EIF4ENIF1: variants seen among roughly 807,000 people sequenced by gnomAD.
EIF4ENIF1 encodes eukaryotic translation initiation factor 4E nuclear import factor 1.
Under a neutral mutation model 110.5 loss-of-function variants are expected in EIF4ENIF1, and 23 were observed. That is an observed-to-expected ratio of 0.21 (90% confidence interval 0.15 to 0.29). The LOEUF (loss-of-function observed/expected upper bound fraction) is 0.29, where lower values mean the gene tolerates loss of function less well. Ranked by LOEUF, EIF4ENIF1 falls within the 10% of genes least tolerant of loss-of-function variation. The probability of loss-of-function intolerance (pLI) is 1.00; values close to 1 mark genes in which losing one functional copy is unlikely to be tolerated. For missense variants in EIF4ENIF1, 1,031 were observed against 1,221.1 expected, an observed-to-expected ratio of 0.84 and a Z score of 2.32; for synonymous variants, 440 against 437.0, an observed-to-expected ratio of 1.01 and a Z score of -0.09.
rs2050247343 is a variant in EIF4ENIF1, at chr22:31,440,139, G to A, written c.2717-18C>T. The A allele has an allele frequency of 1.9e-6, 3 of 1,614,036 alleles. No individual in the cohort carries two copies. Among genetic ancestry groups the A allele is most frequent in the Non-Finnish European group, 2.5e-6 (3 of 1,179,972 alleles). On this transcript the variant is annotated intron_variant, in intron 18 of 18. Coordinates refer to ENST00000330125, the MANE Select transcript of EIF4ENIF1 (RefSeq NM_019843.4). ...ATGCAGAACTGTGGAGATAAGAAGG[G>A]TTATCATTCACAGCATGAGAAGGAA... is the stretch of plus-strand genomic sequence containing the variant.
intron 2 of EIF4ENIF1, among the ~76,000 whole-genome samples, chr22:31,476,916 C>A (rs558780691): frequency 6.8e-6 from 1 of 147,646 alleles, no homozygotes; most frequent in Admixed American, 6.9e-5. Context: ...ATGAGAATTG[C>A]GAACCTGGGA....
chr22:31,490,436 A>G (rs1398850456), upstream of EIF4ENIF1, among the ~76,000 whole-genome samples: 6 of 152,214 alleles, frequency 3.9e-5, no homozygotes, highest in Non-Finnish European at 5.9e-5. Context: ...TCGTGTTTCT[A>G]AAATGGCCTC....
At chr22:31,450,844 TACACACACACACACACACACAC>T (rs372740127) in intron 10 of EIF4ENIF1, 31 of 121,108 alleles carry the variant, frequency 2.6e-4, no homozygotes, top group East Asian at 7.2e-4. Context: ...ATATATATAC[TACACACACACACACACACACAC>T]ACACACACAC....
At chr22:31,483,656 A>T (rs538983750) in intron 2 of EIF4ENIF1, among the ~76,000 whole-genome samples, 128 of 152,212 alleles carry the variant, frequency 8.4e-4, no homozygotes, top group African/African-American at 2.9e-3. Flanking sequence ...ATTTCTAACA[A>T]GTTACCAGAT....
rs1283191842 is a variant in EIF4ENIF1, at chr22:31,443,068, T to C, written c.2100A>G (p.Ser700=). The change falls in exon 16 of 19, where the codon TCA becomes TCG. Residue 700 remains serine (S), a synonymous_variant. Coordinates refer to ENST00000330125, the MANE Select transcript of EIF4ENIF1 (RefSeq NM_019843.4). ...SMLSPSFTPT[S]VIRKMYESKE... ...TGCTCTCGTACATCTTACGAATCACTGAGGTAGGGGTAAAGGAAGGAGAAA... is the reference window on the plus strand; with the variant it reads ...TGCTCTCGTACATCTTACGAATCACCGAGGTAGGGGTAAAGGAAGGAGAAA... 1 of 1,614,118 alleles carries C rather than the reference T, an allele frequency of 6.2e-7. No individual in the cohort carries two copies. The highest frequency in any genetic ancestry group is 1.1e-5 in the South Asian group (1 of 91,070).
At chr22:31,464,928 T>G (rs1398193196) in intron 4 of EIF4ENIF1, among the ~76,000 whole-genome samples, 5 of 151,312 alleles carry the variant, frequency 3.3e-5, no homozygotes, top group Non-Finnish European at 7.4e-5. Flanking sequence ...AAACTTCTAC[T>G]CTTTGAAAGA....
intron 6 of EIF4ENIF1, among the ~76,000 whole-genome samples, chr22:31,460,364 T>C (rs1017371534): frequency 1.3e-5 from 2 of 152,228 alleles, no homozygotes; most frequent in African/African-American, 2.4e-5. Flanking sequence ...CCAGGCGCAG[T>C]GGTTCACGCC....
intron 2 of EIF4ENIF1, among the ~76,000 whole-genome samples, chr22:31,477,456 A>G (rs1299260265): frequency 1.3e-5 from 2 of 151,448 alleles, no homozygotes; most frequent in East Asian, 1.9e-4. Flanking sequence ...TTCCTCTTAG[A>G]GTTATTGCTC....
chr22:31,447,852 C>A lies in EIF4ENIF1; in HGVS notation c.1849-287G>T, dbSNP rs186302904. Among the ~76,000 whole-genome samples, 12 of 152,298 alleles carry A rather than the reference C, an allele frequency of 7.9e-5. No homozygotes were observed. In the East Asian group the frequency reaches 1.9e-3, roughly 24 times the overall value. On this transcript the variant is annotated intron_variant, in intron 13 of 18. Coordinates refer to ENST00000330125, the MANE Select transcript of EIF4ENIF1 (RefSeq NM_019843.4). ...TGCCACCTAGGCTGGAGTACAGTGG[C>A]ACCATCATAGCTCACGGCAGTCTCA... is the stretch of plus-strand genomic sequence containing the variant.
At chr22:31,464,272 A>G in intron 4 of EIF4ENIF1, 1 of 285,592 alleles carries the variant, frequency 3.5e-6, no homozygotes, top group East Asian at 7.4e-5. Context: ...TGTTTTGTCA[A>G]CTAATAAACT....
rs2051397421 is a variant in EIF4ENIF1 at position 31,471,986 on chromosome 22, TG to T, written c.97-70del. The T allele has an allele frequency of 1.8e-5, 22 of 1,251,920 alleles. No individual in the cohort carries two copies. In the South Asian group the frequency reaches 3.0e-4, roughly 17 times the overall value. The allele number at this position is 1,251,920 out of a possible 1,614,324, so 77.6% of individuals were successfully genotyped here. On this transcript the variant is annotated intron_variant, in intron 2 of 18. Coordinates refer to ENST00000330125, the MANE Select transcript of EIF4ENIF1 (RefSeq NM_019843.4). ...GGCCACACACTTTAAACTTCTGTTC[TG>T]AATAATTCTAAGTGTCCATCTTAAA...
intron 10 of EIF4ENIF1, 114 bp from the exon 11 acceptor site, chr22:31,450,474 T>C (rs1014442754): frequency 9.2e-6 from 7 of 758,542 alleles, no homozygotes; most frequent in East Asian, 2.8e-5. Flanking sequence ...AGCAGAATGA[T>C]ACTCAAGTCA....
In EIF4ENIF1 at chr22:31,485,428, C is replaced by T. The variant is rs571978175; in HGVS notation, c.96+3195G>A. Among the ~76,000 whole-genome samples, 5 of 152,208 alleles carry T rather than the reference C, an allele frequency of 3.3e-5. No homozygotes were observed. The East Asian group carries it at 9.7e-4, about 29-fold the overall frequency. ...ATGTAAGCATAAAGATAGAAACATA[C>T]ACAAAGATGAAATATACATGTTAAC... On this transcript the variant is annotated intron_variant, in intron 2 of 18. Transcript: ENST00000330125.
Position 31,463,011 on chromosome 22 carries a change from A to G in EIF4ENIF1, c.708T>C (p.Thr236=). The G allele has an allele frequency of 6.2e-7, 1 of 1,614,168 alleles. No homozygotes were observed. The highest frequency in any genetic ancestry group is 1.1e-5 in the South Asian group (1 of 91,080). ...CTTCTAGTATCTTATCATCAAAGCCAGTCAGTTCGATGGTTTCAGACTGAC... is the reference window on the plus strand; with the variant it reads ...CTTCTAGTATCTTATCATCAAAGCCGGTCAGTTCGATGGTTTCAGACTGAC... ...PTSQSETIEL[T]GFDDKILEED... Residue 236 remains threonine (T), a synonymous_variant, in exon 6 of 19, where the codon ACT becomes ACC. Coordinates refer to ENST00000330125, the MANE Select transcript of EIF4ENIF1 (RefSeq NM_019843.4).
Position 31,455,843 on chromosome 22 carries a change from C to G in EIF4ENIF1, c.1099+9G>C. 1 of 1,613,188 alleles carries G rather than the reference C, an allele frequency of 6.2e-7. No homozygotes were observed. Among genetic ancestry groups the G allele is most frequent in the Non-Finnish European group, 8.5e-7 (1 of 1,179,680 alleles). On this transcript the variant is annotated intron_variant, in intron 8 of 18. Coordinates refer to ENST00000330125, the MANE Select transcript of EIF4ENIF1 (RefSeq NM_019843.4). ...TTACCTTCAAGGGCAGAATCTGAAG[C>G]CATTTTACCTGCAAGTCTCTCTAGC...
chr22:31,454,029 C>T, intron 10 of EIF4ENIF1, 115 bp downstream of exon 10: 1 of 872,224 alleles, frequency 1.1e-6, no homozygotes, highest in Non-Finnish European at 1.8e-6. Flanking sequence ...GACCAAATGA[C>T]TACTAAAGAA....
At chr22:31,470,685 C>CTTT (rs1174357066) in intron 3 of EIF4ENIF1, among the ~76,000 whole-genome samples, 23 of 122,054 alleles carry the variant, frequency 1.9e-4, no homozygotes, top group African/African-American at 3.7e-4. Context: ...TTAAATAGGA[C>CTTT]TTTTTTTTTT....
At chr22:31,476,305 AG>A (rs1254289258) in intron 2 of EIF4ENIF1, among the ~76,000 whole-genome samples, 2 of 152,270 alleles carry the variant, frequency 1.3e-5, no homozygotes, top group Admixed American at 6.5e-5. Context: ...TTAACTCCAA[AG>A]GTAACAGGGA....
Position 31,440,034 on chromosome 22 carries a change from G to A in EIF4ENIF1, c.2804C>T (p.Pro935Leu). The change falls in exon 19 of 19, where the codon CCC becomes CTC. Residue 935 changes from proline (P) to leucine (L), a missense_variant. Transcript: ENST00000330125. ...PQNVPSRSGL[P>L]HMHSQLEHRP... is the part of the protein sequence containing the mutation. ...ATGCTCCAGCTGGGAGTGCATGTGG[G>A]GCAGGCCTGACCGGCTGGGCACGTT... 2.5e-6 allele frequency: 4 copies of A among 1,614,092 alleles called. No homozygotes were observed. The highest frequency in any genetic ancestry group is 3.4e-6 in the Non-Finnish European group (4 of 1,179,962).
Sources: allele counts gnomAD v4.1 joint callset (sites outside exome capture counted in the v4.1 genomes callset), GRCh38; gene constraint gnomAD v4.1.1; transcripts MANE v1.5; gene names NCBI Gene and HGNC (gene_info 2026-07-23, HGNC 2026-07-21).